ANKRD36C: variants seen among roughly 807,000 people sequenced by gnomAD.
The protein encoded by ANKRD36C is ankyrin repeat domain 36C.
ANKRD36C carries 61 observed loss-of-function variants against 276.4 expected under a neutral mutation model. The ratio of observed to expected loss-of-function variants is 0.22; its 90% CI spans 0.18 to 0.27. The LOEUF (loss-of-function observed/expected upper bound fraction) is 0.27, where lower values mean the gene tolerates loss of function less well. Ranked by LOEUF, ANKRD36C falls within the 10% of genes least tolerant of loss-of-function variation. ANKRD36C has a pLI of 1.00. For missense variants in ANKRD36C, 1,447 were observed against 2,032.3 expected, an observed-to-expected ratio of 0.71 and a Z score of 5.54; for synonymous variants, 483 against 680.1, an observed-to-expected ratio of 0.71 and a Z score of 4.51.
intron 44 of ANKRD36C, among the ~76,000 whole-genome samples, chr2:95,894,605 G>C (rs1676481886): frequency 1.3e-5 from 2 of 151,292 alleles, no homozygotes; most frequent in African/African-American, 4.8e-5. Flanking sequence ...TTATGTTCTA[G>C]AAAAGTTTCA....
At chr2:95,880,498 G>T in exon 58 of ANKRD36C, 1 of 1,550,364 alleles carries the variant, frequency 6.5e-7, no homozygotes, top group Non-Finnish European at 8.7e-7. Flanking sequence ...TTCAATTGTA[G>T]CCTGAATGGG....
intron 1 of ANKRD36C, among the ~76,000 whole-genome samples, chr2:95,988,662 A>C (rs898357185): frequency 6.6e-6 from 1 of 152,244 alleles, no homozygotes; most frequent in African/African-American, 2.4e-5. Flanking sequence ...GAATAGTGAT[A>C]ATCACTTATA....
At chr2:95,966,640 A>C (rs538561864) in intron 6 of ANKRD36C, among the ~76,000 whole-genome samples, 1 of 152,264 alleles carries the variant, frequency 6.6e-6, no homozygotes, top group African/African-American at 2.4e-5. Context: ...TGTCTTGGCT[A>C]TATGGGCTCT....
intron 63 of ANKRD36C, 41 bp from the exon 84 acceptor site, chr2:95,853,902 C>G (rs1558615211): frequency 1.3e-6 from 2 of 1,575,932 alleles, no homozygotes; most frequent in African/African-American, 1.4e-5. Context: ...TACAAATCAC[C>G]TTATTATTAA....
intron 38 of ANKRD36C, among the ~76,000 whole-genome samples, chr2:95,915,363 C>A (rs571766167): frequency 8.4e-4 from 128 of 151,606 alleles, no homozygotes; most frequent in African/African-American, 1.9e-3. Flanking sequence ...CCAATTCAAG[C>A]ACTGTTTCCT....
intron 14 of ANKRD36C, among the ~76,000 whole-genome samples, chr2:95,952,202 A>G (rs1678213965): frequency 6.6e-6 from 1 of 152,302 alleles, no homozygotes; most frequent in Non-Finnish European, 1.5e-5. Flanking sequence ...AGTCAATCAA[A>G]TATGCGCTTA....
chr2:95,991,455 G>T (rs953275498), intron 1 of ANKRD36C, 57 bp downstream of exon 1: 66 of 1,539,438 alleles, frequency 4.3e-5, no homozygotes, highest in Middle Eastern at 1.7e-4. Flanking sequence ...CTGGAAAGGG[G>T]TACTTCTCCA....
chr2:95,927,812 A>G (rs1226879246), intron 26 of ANKRD36C, among the ~76,000 whole-genome samples: 1 of 151,594 alleles, frequency 6.6e-6, no homozygotes, highest in African/African-American at 2.4e-5. Context: ...TTATACTACA[A>G]ACGTTCATCA....
chr2:95,874,891 A>T (rs1675906607), intron 59 of ANKRD36C, among the ~76,000 whole-genome samples: 1 of 152,392 alleles, frequency 6.6e-6, no homozygotes, highest in South Asian at 2.1e-4. Flanking sequence ...ACACTTCTCA[A>T]AAGAAGACAT....
intron 60 of ANKRD36C, among the ~76,000 whole-genome samples, chr2:95,864,829 G>T (rs947651420): frequency 6.6e-6 from 1 of 151,844 alleles, no homozygotes; most frequent in Non-Finnish European, 1.5e-5. Context: ...TTAGTAACAG[G>T]GTAGTTTGAG....
chr2:95,917,480 C>T (rs898085583), intron 36 of ANKRD36C, among the ~76,000 whole-genome samples: 16 of 151,676 alleles, frequency 1.1e-4, no homozygotes, highest in Middle Eastern at 6.8e-3. Context: ...TGTCTTTTCT[C>T]AGCAGTACGA....
chr2:95,978,059 C>T, intron 6 of ANKRD36C, 63 bp downstream of exon 6: 4 of 549,904 alleles, frequency 7.3e-6, no homozygotes, highest in Non-Finnish European at 6.2e-6. Flanking sequence ...GTAATCAAAA[C>T]ATCTTTATTC....
At chr2:95,893,467 A>G (rs1376554322) in intron 44 of ANKRD36C, 66 bp downstream of exon 64, 16 of 1,527,362 alleles carry the variant, frequency 1.0e-5, no homozygotes, top group South Asian at 2.4e-5. Flanking sequence ...CCGCTGATTT[A>G]TTTGGGGAAG....
rs539423390 is a variant in ANKRD36C, at chr2:95,926,228, C to A, written c.1940-681G>T. The stretch of plus-strand genomic sequence containing the variant: ...CATGGCAACAAATATAATATATAAA[C>A]CTTATCAAAAAGTATAATAAATGAT... On this transcript the variant is annotated intron_variant, in intron 28 of 66. Coordinates refer to ENST00000456556, the Ensembl canonical transcript of ANKRD36C. 5.1e-3 allele frequency among the ~76,000 whole-genome samples: 767 copies of A among 151,556 alleles called. 2 individuals are homozygous for A. Among genetic ancestry groups the A allele is most frequent in the Non-Finnish European group, 8.3e-3 (563 of 67,702 alleles).
Position 95,923,413 on chromosome 2 carries a change from G to GC in ANKRD36C, c.2143+81dup, listed in dbSNP as rs368019675. ...GAATCAGAATGTGCAGCTTTGATGA[G>GC]CCCCCCGCTGATTTATTCAGGGAAG... On this transcript the variant is annotated intron_variant, in intron 32 of 66. Coordinates refer to ENST00000456556, the Ensembl canonical transcript of ANKRD36C. 1.1e-3 allele frequency: 1,622 copies of GC among 1,523,266 alleles called. 21 individuals are homozygous for GC. In the African/African-American group the frequency reaches 0.02, roughly 19 times the overall value. 94.4% of individuals were successfully genotyped at this position (1,523,266 alleles called of 1,614,324 possible).
At chr2:95,858,138 T>C (rs76968650) in intron 61 of ANKRD36C, among the ~76,000 whole-genome samples, 2 of 151,820 alleles carry the variant, frequency 1.3e-5, no homozygotes, top group Admixed American at 1.3e-4. Flanking sequence ...CTCTAAAATG[T>C]ATAAAACCAA....
chr2:95,984,666 T>A (rs1678993581), intron 3 of ANKRD36C, among the ~76,000 whole-genome samples: 1 of 152,162 alleles, frequency 6.6e-6, no homozygotes, highest in Non-Finnish European at 1.5e-5. Flanking sequence ...TTTACAACAT[T>A]CATTCATTTA....
chr2:95,921,738 A>T, intron 33 of ANKRD36C, 44 bp downstream of exon 33: 1 of 1,593,896 alleles, frequency 6.3e-7, no homozygotes, highest in Non-Finnish European at 8.5e-7. Flanking sequence ...TGTTTCATAG[A>T]CTATAGATTC....
At chr2:95,975,197 T>C (rs759989460) in intron 6 of ANKRD36C, among the ~76,000 whole-genome samples, 8 of 152,122 alleles carry the variant, frequency 5.3e-5, no homozygotes, top group Non-Finnish European at 8.8e-5. Flanking sequence ...AAAATGGCCA[T>C]ACTGCCCAAG....
Sources: gnomAD v4.1 joint callset for allele counts (sites outside exome capture counted in the v4.1 genomes callset) on GRCh38, gnomAD v4.1.1 for gene constraint, MANE v1.5 for transcripts, NCBI Gene and HGNC (gene_info 2026-07-23, HGNC 2026-07-21) for gene names.